APC2: variants seen among roughly 807,000 people sequenced by gnomAD.
APC2 encodes APC regulator of Wnt signaling pathway 2.
In APC2, 41 loss-of-function variants were observed where a neutral mutation model predicts 72.5. That is an observed-to-expected ratio of 0.57 (90% CI 0.44 to 0.73). The LOEUF is 0.73. APC2 is among the 30% of genes least tolerant of loss of function. The pLI is 0.00. For missense variants in APC2, 3,729 were observed against 3,403.4 expected (o/e 1.10, Z -2.38); for synonymous variants, 1,898 against 1,612.0 (o/e 1.18, Z -4.25).
At chr19:1,465,087 C>G (rs1297183259) in intron 14 of APC2, 68 bp from the exon 15 acceptor site, 1 of 1,515,924 alleles carries the variant, frequency 6.6e-7, no homozygotes, top group Non-Finnish European at 8.9e-7. Flanking sequence ...CCACATCTGG[C>G]CCCCCCATCC....
upstream of APC2, among the ~76,000 whole-genome samples, chr19:1,448,605 G>A (rs1366196908): frequency 1.1e-4 from 16 of 150,290 alleles, 1 homozygote; most frequent in Admixed American, 7.3e-4. Context: ...CAGCACTTTG[G>A]GAGGCCGAGG....
chr19:1,461,437 C>T (rs1568173936), intron 13 of APC2: 6 of 487,510 alleles, frequency 1.2e-5, no homozygotes, highest in African/African-American at 2.0e-5. Context: ...GGCGTGGCAG[C>T]GGGCGCCTGT....
upstream of APC2, among the ~76,000 whole-genome samples, chr19:1,449,721 C>T (rs1246493197): frequency 1.3e-5 from 2 of 152,078 alleles, no homozygotes; most frequent in Admixed American, 6.5e-5. Context: ...CGCACCTGCA[C>T]CAGGCCAGGC....
In APC2 at chr19:1,467,033, C is replaced by T. The variant is rs769445980; in HGVS notation, c.3732C>T (p.Ala1244=). The T allele has an allele frequency of 1.9e-6, 3 of 1,611,236 alleles. No individual in the cohort carries two copies. In the African/African-American group the frequency reaches 4.0e-5, roughly 22 times the overall value. The change falls in exon 15 of 15, where the codon GCC becomes GCT. Residue 1244 remains alanine (A), a synonymous_variant. Transcript: ENST00000590469. ...ESYVKRFLDI[A]DCRERCRLPS... Reference sequence around the variant, plus strand: ...ACGTGAAGCGCTTCCTGGACATCGCCGACTGCCGGGAGCGCTGCCGGCTGC... The same window carrying T: ...ACGTGAAGCGCTTCCTGGACATCGCTGACTGCCGGGAGCGCTGCCGGCTGC...
chr19:1,457,318 G>C (rs2083849899), intron 9 of APC2, 75 bp downstream of exon 9: 1 of 1,454,702 alleles, frequency 6.9e-7, no homozygotes, highest in African/African-American at 1.5e-5. Context: ...TGGGCGACTA[G>C]GACCTCCAGC....
At position 1,456,844 on chromosome 19, in the gene APC2, TC is replaced by T; in HGVS notation, c.817-3del. On this transcript the variant is annotated splice_polypyrimidine_tract_variant and splice_region_variant and intron_variant, in intron 8 of 14. Transcript: ENST00000590469. ...GAGGGACCCCACCCTGACCCTGCCC[TC>T]CCCCCAGGTGGAGGTGGTCTTCTGG... is the stretch of plus-strand genomic sequence containing the variant. 9 of 1,590,906 alleles carry T rather than the reference TC, an allele frequency of 5.7e-6. No homozygotes were observed. The highest frequency in any genetic ancestry group is 1.7e-5 in the Admixed American group (1 of 58,338).
rs1215473866 is a variant in APC2 at position 1,466,145 on chromosome 19, C to T, written c.2844C>T (p.Ala948=). 2 of 1,565,504 alleles carry T rather than the reference C, an allele frequency of 1.3e-6. No homozygotes were observed. Among genetic ancestry groups the T allele is most frequent in the Non-Finnish European group, 1.7e-6 (2 of 1,166,116 alleles). The change falls in exon 15 of 15, where the codon GCC becomes GCT. Residue 948 remains alanine (A), a synonymous_variant. Transcript: ENST00000590469. The stretch of plus-strand genomic sequence containing the variant: ...AACATATGCTGCCCTGCCCGCTGGC[C>T]GCACTGGCTTCGCGCCGCGAGGACC... ...PREHMLPCPL[A]ALASRREDPR... is the part of the protein sequence containing the mutation.
chr19:1,457,555 G>T, intron 9 of APC2: 1 of 511,684 alleles, frequency 2.0e-6, no homozygotes, highest in Admixed American at 3.8e-5. Context: ...TATGGGGGCC[G>T]GGCGCTGTGA....
intron 4 of APC2, 45 bp from the exon 5 acceptor site, chr19:1,455,104 C>T (rs2083799847): frequency 7.8e-7 from 1 of 1,282,114 alleles, no homozygotes; most frequent in Non-Finnish European, 1.1e-6. Flanking sequence ...AATAAACACA[C>T]ACGGCGCCGC....
rs1325313737 is a variant in APC2, at chr19:1,457,104, C to T, written c.1068C>T (p.Phe356=). ...ACGCGGCGCTGCACAACATCGTCTT[C>T]TCGCAGCCGGACCAGGGCCTGGCGC... ...RANAALHNIV[F]SQPDQGLARK... Residue 356 remains phenylalanine, a synonymous_variant, in exon 9 of 15, where the codon TTC becomes TTT. Coordinates refer to ENST00000590469, the MANE Select transcript of APC2 (RefSeq NM_005883.3). 2 of 1,582,194 alleles carry T rather than the reference C, an allele frequency of 1.3e-6. No individual in the cohort carries two copies. Among genetic ancestry groups the T allele is most frequent in the African/African-American group, 1.4e-5 (1 of 73,994 alleles).
Position 1,467,894 on chromosome 19 carries a change from G to T in APC2, c.4593G>T (p.Ser1531=). The change falls in exon 15 of 15, where the codon TCG becomes TCT. Residue 1531 remains serine (S), a synonymous_variant. Coordinates refer to ENST00000590469, the MANE Select transcript of APC2 (RefSeq NM_005883.3). ...AAPTPTHRRT[S]AIPRAFTRER... is the part of the protein sequence containing the mutation. The stretch of plus-strand genomic sequence containing the variant: ...CCACGCCAACCCACCGGCGCACATC[G>T]GCCATCCCTCGCGCTTTTACGCGGG... 1 of 1,581,214 alleles carries T rather than the reference G, an allele frequency of 6.3e-7. No homozygotes were observed. Among genetic ancestry groups the T allele is most frequent in the Non-Finnish European group, 8.5e-7 (1 of 1,172,200 alleles).
chr19:1,467,175 G>A lies in APC2; in HGVS notation c.3874G>A (p.Val1292Met), dbSNP rs1179839994. The A allele has an allele frequency of 6.6e-7, 1 of 1,526,198 alleles. No individual in the cohort carries two copies. The allele number at this position is 1,526,198 out of a possible 1,614,324, so 94.5% of individuals were successfully genotyped here. Residue 1292 changes from valine to methionine, a missense_variant, in exon 15 of 15, where the codon GTG (valine) becomes ATG (methionine). Transcript: ENST00000590469. ...GCACGAGCACTACGTGCAGCAGGAC[G>A]TGGAGCTGCGGCTGCTGCCCTCGGC... The part of the protein sequence containing the change: ...ALHEHYVQQD[V>M]ELRLLPSACP...
At chr19:1,447,198 C>T (rs958094305), upstream of APC2, among the ~76,000 whole-genome samples, 2 of 152,246 alleles carry the variant, frequency 1.3e-5, no homozygotes, top group Non-Finnish European at 2.9e-5. Context: ...GGCGGCGGGC[C>T]GTCTCTATCC....
At chr19:1,449,536 G>C (rs1413462476), upstream of APC2, among the ~76,000 whole-genome samples, 3 of 152,210 alleles carry the variant, frequency 2.0e-5, no homozygotes, top group African/African-American at 7.2e-5. Context: ...GGGACATGAA[G>C]AGCAACGGAG....
At position 1,466,931 on chromosome 19, in the gene APC2, G is replaced by A. The variant is rs1203317453; in HGVS notation, c.3630G>A (p.Arg1210=). 1 of 1,597,182 alleles carries A rather than the reference G, an allele frequency of 6.3e-7. No homozygotes were observed. The highest frequency in any genetic ancestry group is 8.5e-7 in the Non-Finnish European group (1 of 1,172,508). ...CCGGACAGACCATGCCTCCCAGCCG[G>A]AGCAAGACGCCACCGCTGGCGCCCG... ...DSPGQTMPPS[R]SKTPPLAPAP... is the part of the protein sequence containing the mutation. Residue 1210 remains arginine (R), a synonymous_variant, in exon 15 of 15, where the codon CGG becomes CGA. Transcript: ENST00000590469.
chr19:1,449,553 G>A (rs1207426131), upstream of APC2, among the ~76,000 whole-genome samples: 1 of 152,216 alleles, frequency 6.6e-6, no homozygotes, highest in Non-Finnish European at 1.5e-5. Context: ...GGAGTTACAG[G>A]AGGATCTGAC....
In APC2 at chr19:1,456,330, C is replaced by A. The variant is rs2083825500; in HGVS notation, c.742C>A (p.Pro248Thr). Residue 248 changes from proline (P) to threonine (T), a missense_variant, in exon 8 of 15, where the codon CCG becomes ACG. Coordinates refer to ENST00000590469, the MANE Select transcript of APC2 (RefSeq NM_005883.3). ...GGCCTTGCTGGCGGTGAAGTCGGTG[C>A]CGGTGGACGAGGACCCCGAGACAGA... ...PQALLAVKSV[P>T]VDEDPETEVP... 2 of 1,608,734 alleles carry A rather than the reference C, an allele frequency of 1.2e-6. No individual in the cohort carries two copies. The highest frequency in any genetic ancestry group is 2.2e-5 in the East Asian group (1 of 44,748).
rs757973186 is a variant in APC2 at position 1,469,041 on chromosome 19, C to G, written c.5740C>G (p.Arg1914Gly). Residue 1914 changes from arginine to glycine, a missense_variant, in exon 15 of 15, where the codon CGC becomes GGC. Coordinates refer to ENST00000590469, the MANE Select transcript of APC2 (RefSeq NM_005883.3). ...CTCCCCGGTGCCCAAAACGCCGGCG[C>G]GCACCCTTCTGGCGAAGCAGCACAA... ...GASPVPKTPA[R>G]TLLAKQHKTQ... 5.2e-6 allele frequency: 8 copies of G among 1,541,348 alleles called. No individual in the cohort carries two copies. The highest frequency in any genetic ancestry group is 1.7e-6 in the Non-Finnish European group (2 of 1,145,952).
chr19:1,466,137 C>A lies in APC2; in HGVS notation c.2836C>A (p.Pro946Thr), dbSNP rs752635810. Residue 946 changes from proline to threonine, a missense_variant, in exon 15 of 15, where the codon CCG (proline) becomes ACG (threonine). Pro to Thr is a conservative substitution (Grantham distance 38, BLOSUM62 -1). Transcript: ENST00000590469. ...YCPREHMLPCPLAALASRRED... is the reference protein window; with the variant it reads ...YCPREHMLPCTLAALASRRED... ...CCCACGCGAACATATGCTGCCCTGCCCGCTGGCCGCACTGGCTTCGCGCCG... is the reference window on the plus strand; with the variant it reads ...CCCACGCGAACATATGCTGCCCTGCACGCTGGCCGCACTGGCTTCGCGCCG... 2.6e-5 allele frequency: 41 copies of A among 1,565,796 alleles called. No homozygotes were observed. Among genetic ancestry groups the A allele is most frequent in the Non-Finnish European group, 3.3e-5 (39 of 1,166,286 alleles).
Sources: allele counts gnomAD v4.1 joint callset (sites outside exome capture counted in the v4.1 genomes callset), GRCh38; gene constraint gnomAD v4.1.1; transcripts MANE v1.5; gene names NCBI Gene and HGNC (gene_info 2026-07-23, HGNC 2026-07-21).